Variants in MAN1A2 observed in about 807,000 individuals in gnomAD.
MAN1A2 encodes mannosidase alpha class 1A member 2.
A neutral mutation model predicts 75.7 loss-of-function variants in MAN1A2; 26 were observed. The ratio of observed to expected loss-of-function variants is 0.34; its 90% CI spans 0.25 to 0.48. The LOEUF is 0.48. MAN1A2 is among the 20% of genes least tolerant of loss of function. MAN1A2 has a pLI of 0.99. For synonymous variants in MAN1A2, 247 were observed against 264.6 expected (o/e 0.93, Z 0.65); for missense variants, 562 against 775.5 (o/e 0.72, Z 3.27).
At chr1:117,415,100 T>C (rs1369730758) in intron 4 of MAN1A2, among the ~76,000 whole-genome samples, 4 of 152,060 alleles carry the variant, frequency 2.6e-5, no homozygotes. Context: ...ACACTCATTC[T>C]TCTGGCACTT....
At chr1:117,506,552 T>C (rs1469429972) in intron 12 of MAN1A2, among the ~76,000 whole-genome samples, 1 of 151,612 alleles carries the variant, frequency 6.6e-6, no homozygotes, top group African/African-American at 2.4e-5. Context: ...AGAGATAGAT[T>C]CCTTCAAAGG....
At chr1:117,441,638 A>C (rs1160109588) in intron 5 of MAN1A2, among the ~76,000 whole-genome samples, 1 of 152,168 alleles carries the variant, frequency 6.6e-6, no homozygotes, top group African/African-American at 2.4e-5. Context: ...AAATTTTACT[A>C]TCTATATGAT....
At position 117,525,753 on chromosome 1, in the gene MAN1A2, T is replaced by TCAA. The variant is rs1171087728; in HGVS notation, c.*2798_*2800dup. ...ACCAGATTATTATTATTATTATTAT[T>TCAA]CAACCAGTATTAAGTTGTTAAAACC... On this transcript the variant is annotated 3_prime_UTR_variant, in exon 13 of 13. Coordinates refer to ENST00000356554, the MANE Select transcript of MAN1A2 (RefSeq NM_006699.5). The TCAA allele has an allele frequency of 6.6e-6, 1 of 151,766 alleles. No homozygotes were observed. Among genetic ancestry groups the TCAA allele is most frequent in the Non-Finnish European group, 1.5e-5 (1 of 67,780 alleles). 9.4% of individuals were successfully genotyped at this position (151,766 alleles called of 1,614,324 possible). A position where few individuals can be genotyped will look rare whatever the true frequency, so the allele number is the denominator to read the frequency against.
At chr1:117,489,631 C>CG (rs1171246179) in intron 8 of MAN1A2, among the ~76,000 whole-genome samples, 4 of 151,948 alleles carry the variant, frequency 2.6e-5, no homozygotes, top group Non-Finnish European at 5.9e-5. Flanking sequence ...CTTTAACGTA[C>CG]GAAGCTATCC....
intron 5 of MAN1A2, among the ~76,000 whole-genome samples, chr1:117,428,934 G>T (rs1648480535): frequency 7.2e-6 from 1 of 139,270 alleles, no homozygotes; most frequent in Non-Finnish European, 1.6e-5. Context: ...GTTTTCCTAG[G>T]CAGAGGACCC....
chr1:117,385,211 T>C (rs1653484452), intron 1 of MAN1A2, among the ~76,000 whole-genome samples: 1 of 152,190 alleles, frequency 6.6e-6, no homozygotes, highest in African/African-American at 2.4e-5. Flanking sequence ...TTGTGCAGTC[T>C]GAGGTTTTGC....
At position 117,525,122 on chromosome 1, in the gene MAN1A2, A is replaced by C. The variant is rs778649818; in HGVS notation, c.*2165A>C. On this transcript the variant is annotated 3_prime_UTR_variant, in exon 13 of 13. Transcript: ENST00000356554. ...CAAGGGATGAGGAGACAGAACCCCTACTTCCAAGTGCTCTATTTGTATTAC... is the reference window on the plus strand; with the variant it reads ...CAAGGGATGAGGAGACAGAACCCCTCCTTCCAAGTGCTCTATTTGTATTAC... 1 of 529,344 alleles carries C rather than the reference A, an allele frequency of 1.9e-6. No individual in the cohort carries two copies. Among genetic ancestry groups the C allele is most frequent in the Non-Finnish European group, 3.9e-6 (1 of 258,396 alleles). 32.8% of individuals were successfully genotyped at this position (529,344 alleles called of 1,614,324 possible). A position where few individuals can be genotyped will look rare whatever the true frequency, so the allele number is the denominator to read the frequency against.
intron 1 of MAN1A2, among the ~76,000 whole-genome samples, chr1:117,400,162 C>T (rs2101751071): frequency 6.6e-6 from 1 of 152,108 alleles, no homozygotes; most frequent in African/African-American, 2.4e-5. Flanking sequence ...CCTTAGTTCC[C>T]TGCCCTGTTC....
chr1:117,413,868 AT>A (rs1421964968), intron 3 of MAN1A2, among the ~76,000 whole-genome samples: 1 of 151,810 alleles, frequency 6.6e-6, no homozygotes, highest in Non-Finnish European at 1.5e-5. Flanking sequence ...GTACTACTAG[AT>A]TTTTTACTCT....
intron 1 of MAN1A2, among the ~76,000 whole-genome samples, chr1:117,371,693 T>G (rs1244923185): frequency 2.6e-5 from 4 of 152,124 alleles, no homozygotes; most frequent in Admixed American, 2.0e-4. Flanking sequence ...GTCTGGGTGA[T>G]GAGACTAGAT....
At chr1:117,444,633 C>A (rs1303249018) in intron 6 of MAN1A2, among the ~76,000 whole-genome samples, 1 of 151,928 alleles carries the variant, frequency 6.6e-6, no homozygotes, top group Non-Finnish European at 1.5e-5. Context: ...GAATTTTGAA[C>A]ATCCTTTTCA....
At chr1:117,396,086 A>G (rs1236460841) in intron 1 of MAN1A2, among the ~76,000 whole-genome samples, 1 of 152,214 alleles carries the variant, frequency 6.6e-6, no homozygotes, top group African/African-American at 2.4e-5. Flanking sequence ...ATGGGGCTTC[A>G]TTATGTAGGC....
rs1420125656 is a variant in MAN1A2 at position 117,416,765 on chromosome 1, G to T, written c.774+1934G>T. ...TGGGATCATTAAAATGCAGTAGCTTGGGCTCTATGGAACTGGTACCTGTGC... is the reference window on the plus strand; with the variant it reads ...TGGGATCATTAAAATGCAGTAGCTTTGGCTCTATGGAACTGGTACCTGTGC... On this transcript the variant is annotated intron_variant, in intron 4 of 12. Transcript: ENST00000356554. Among the ~76,000 whole-genome samples the T allele has an allele frequency of 2.0e-5, 3 of 152,162 alleles. No homozygotes were observed. The East Asian group carries it at 5.8e-4, about 29-fold the overall frequency.
chr1:117,382,190 G>T (rs908579881), intron 1 of MAN1A2, among the ~76,000 whole-genome samples: 3 of 152,274 alleles, frequency 2.0e-5, no homozygotes, highest in East Asian at 3.9e-4. Flanking sequence ...AGTTTAATGA[G>T]ATCCCATTTG....
chr1:117,521,821 AT>A (rs1651879201), intron 12 of MAN1A2, among the ~76,000 whole-genome samples: 1 of 151,998 alleles, frequency 6.6e-6, no homozygotes, highest in African/African-American at 2.4e-5. Flanking sequence ...AAACTGTGGT[AT>A]ATTTATACGA....
At chr1:117,431,093 G>A (rs1208847183) in intron 5 of MAN1A2, among the ~76,000 whole-genome samples, 16 of 139,206 alleles carry the variant, frequency 1.1e-4, no homozygotes, top group Non-Finnish European at 2.5e-4. Flanking sequence ...CAGGCATTCG[G>A]CAGACTGAGG....
At chr1:117,456,329 C>T (rs1649581515) in intron 6 of MAN1A2, among the ~76,000 whole-genome samples, 1 of 151,892 alleles carries the variant, frequency 6.6e-6, no homozygotes, top group Non-Finnish European at 1.5e-5. Flanking sequence ...CAGATTATGG[C>T]ATCATATAAT....
At chr1:117,444,762 T>C (rs1438233769) in intron 6 of MAN1A2, among the ~76,000 whole-genome samples, 2 of 152,062 alleles carry the variant, frequency 1.3e-5, no homozygotes, top group Non-Finnish European at 2.9e-5. Flanking sequence ...TATAATTAAT[T>C]CTCCTCTCTC....
chr1:117,420,583 T>C lies in MAN1A2; in HGVS notation c.789T>C (p.Ser263=). 6.2e-7 allele frequency: 1 copy of C among 1,611,786 alleles called. No homozygotes were observed. Among genetic ancestry groups the C allele is most frequent in the Non-Finnish European group, 8.5e-7 (1 of 1,178,144 alleles). ...NLDFSVNSEV[S]VFEVNIRFIG... Reference sequence around the variant, plus strand: ...GTTTTTCACAGAATTCAGAGGTGTCTGTGTTTGAAGTCAACATTCGATTTA... The same window carrying C: ...GTTTTTCACAGAATTCAGAGGTGTCCGTGTTTGAAGTCAACATTCGATTTA... The change falls in exon 5 of 13, where the codon TCT becomes TCC. Residue 263 remains serine (S), a synonymous_variant. Transcript: ENST00000356554.
Sources: allele counts gnomAD v4.1 joint callset (sites outside exome capture counted in the v4.1 genomes callset), GRCh38; gene constraint gnomAD v4.1.1; transcripts MANE v1.5; gene names NCBI Gene and HGNC (gene_info 2026-07-23, HGNC 2026-07-21).